The following MAP3K5 variants were observed in gnomAD, a reference collection of about 807,000 sequenced individuals.
MAP3K5 encodes mitogen-activated protein kinase kinase kinase 5.
In MAP3K5, 56 loss-of-function variants were observed where a neutral mutation model predicts 158.7. That is an observed-to-expected ratio of 0.35 (90% CI 0.28 to 0.44). The LOEUF (loss-of-function observed/expected upper bound fraction) is 0.44. Ranked by LOEUF, MAP3K5 falls within the 20% of genes least tolerant of loss-of-function variation. The pLI is 1.00. For missense variants in MAP3K5, 1,294 were observed against 1,674.8 expected (o/e 0.77, Z 3.97); for synonymous variants, 579 against 601.7 (o/e 0.96, Z 0.55).
intron 21 of MAP3K5, among the ~76,000 whole-genome samples, chr6:136,597,235 T>A (rs1351726515): frequency 6.6e-6 from 1 of 152,188 alleles, no homozygotes; most frequent in Non-Finnish European, 1.5e-5. Flanking sequence ...AGGAGTAGGC[T>A]GGAGTCAGGA....
rs1830560847 is a variant in MAP3K5 at position 136,562,545 on chromosome 6, C to T, written c.3832G>A (p.Asp1278Asn). The T allele has an allele frequency of 1.9e-6, 3 of 1,602,638 alleles. No individual in the cohort carries two copies. Among genetic ancestry groups the T allele is most frequent in the Non-Finnish European group, 2.6e-6 (3 of 1,174,808 alleles). ...AGCTTCAGGTGTTTAATTTCTTGGT[C>T]TTTTTCTTCAATAGCTCGATGAAGG... ...ALLHRAIEEK[D>N]QEIKHLKLKS... is the part of the protein sequence containing the mutation. The change falls in exon 27 of 30, where the codon GAC becomes AAC. Residue 1278 changes from aspartate to asparagine, a missense_variant. Transcript: ENST00000359015.
At chr6:136,726,089 G>C (rs1178990801) in intron 1 of MAP3K5, among the ~76,000 whole-genome samples, 1 of 152,156 alleles carries the variant, frequency 6.6e-6, no homozygotes, top group Non-Finnish European at 1.5e-5. Flanking sequence ...AATCAGGTAG[G>C]TCAACTCTAT....
intron 21 of MAP3K5, among the ~76,000 whole-genome samples, chr6:136,598,273 A>G (rs1775719776): frequency 6.6e-6 from 1 of 152,176 alleles, no homozygotes; most frequent in African/African-American, 2.4e-5. Context: ...TCACCTGTTA[A>G]GTTCATATTT....
chr6:136,694,852 T>C (rs1486230970), intron 6 of MAP3K5, among the ~76,000 whole-genome samples: 1 of 152,228 alleles, frequency 6.6e-6, no homozygotes, highest in African/African-American at 2.4e-5. Flanking sequence ...ATAGTATGTG[T>C]AGACAGTTCA....
At chr6:136,787,224 A>C (rs1385442737) in intron 1 of MAP3K5, among the ~76,000 whole-genome samples, 1 of 152,100 alleles carries the variant, frequency 6.6e-6, no homozygotes, top group Non-Finnish European at 1.5e-5. Flanking sequence ...GCAAACAAAA[A>C]ACAAGCATAA....
chr6:136,608,389 C>G (rs1324405089), intron 18 of MAP3K5, among the ~76,000 whole-genome samples: 1 of 152,058 alleles, frequency 6.6e-6, no homozygotes, highest in Non-Finnish European at 1.5e-5. Context: ...GAAGCAGGAG[C>G]ACAGTTGGGG....
rs1020827202 is a variant in MAP3K5, at chr6:136,646,815, T to A, written c.1788+4169A>T. ...TATTGCACTGCACTTTAAAGCAATA[T>A]CACTAACATGTATATAGACAGTTAT... On this transcript the variant is annotated intron_variant, in intron 11 of 29. Transcript: ENST00000359015. Among the ~76,000 whole-genome samples, 5 of 152,350 alleles carry A rather than the reference T, an allele frequency of 3.3e-5. No homozygotes were observed. In the South Asian group the frequency reaches 1.0e-3, roughly 32 times the overall value.
chr6:136,782,391 T>C (rs1487758116), intron 1 of MAP3K5, among the ~76,000 whole-genome samples: 1 of 152,110 alleles, frequency 6.6e-6, no homozygotes, highest in Non-Finnish European at 1.5e-5. Context: ...TTTATATGGC[T>C]TGGGGTCAAT....
intron 5 of MAP3K5, 89 bp downstream of exon 5, chr6:136,697,129 GC>G: frequency 8.7e-7 from 1 of 1,150,340 alleles, no homozygotes; most frequent in African/African-American, 1.5e-5. Context: ...AACATGAACT[GC>G]TTACCAGCAA....
chr6:136,747,741 T>C (rs1033843189), intron 1 of MAP3K5, among the ~76,000 whole-genome samples: 4 of 152,226 alleles, frequency 2.6e-5, no homozygotes, highest in Non-Finnish European at 4.4e-5. Context: ...TGTGTGACAT[T>C]GGGGTGATGA....
chr6:136,614,306 C>A lies in MAP3K5; in HGVS notation c.2151-20G>T. The A allele has an allele frequency of 6.2e-7, 1 of 1,608,116 alleles. No homozygotes were observed. The highest frequency in any genetic ancestry group is 1.1e-5 in the South Asian group (1 of 90,574). ...GAGTATCTAAAAGACATGCAATTGTCAATGAGTTAATTATGTAGCCAGACT... is the reference window on the plus strand; with the variant it reads ...GAGTATCTAAAAGACATGCAATTGTAAATGAGTTAATTATGTAGCCAGACT... On this transcript the variant is annotated intron_variant, in intron 15 of 29. Coordinates refer to ENST00000359015, the MANE Select transcript of MAP3K5 (RefSeq NM_005923.4).
At chr6:136,604,006 G>A (rs968015766) in intron 19 of MAP3K5, among the ~76,000 whole-genome samples, 1 of 152,152 alleles carries the variant, frequency 6.6e-6, no homozygotes, top group African/African-American at 2.4e-5. Context: ...CTGCAGCAGG[G>A]AGAGGAATAA....
At chr6:136,657,285 T>G (rs925329178) in intron 9 of MAP3K5, among the ~76,000 whole-genome samples, 6 of 152,228 alleles carry the variant, frequency 3.9e-5, no homozygotes, top group African/African-American at 1.4e-4. Flanking sequence ...TTATAGGTGA[T>G]AATGGCTATG....
intron 7 of MAP3K5, among the ~76,000 whole-genome samples, chr6:136,675,274 TCAAA>T (rs60873015): frequency 1.7e-3 from 258 of 152,100 alleles, no homozygotes; most frequent in African/African-American, 5.4e-3. Context: ...TCAGTGATGA[TCAAA>T]CAAACAGACA....
At chr6:136,776,892 C>A (rs893765581) in intron 1 of MAP3K5, among the ~76,000 whole-genome samples, 21 of 152,304 alleles carry the variant, frequency 1.4e-4, no homozygotes, top group African/African-American at 4.6e-4. Context: ...ACATTCTAAT[C>A]ATCACGGCAG....
At chr6:136,785,039 G>C (rs1379688293) in intron 1 of MAP3K5, among the ~76,000 whole-genome samples, 1 of 152,194 alleles carries the variant, frequency 6.6e-6, no homozygotes, top group Admixed American at 6.5e-5. Context: ...AGGACATACA[G>C]ACTTTACTCT....
intron 7 of MAP3K5, among the ~76,000 whole-genome samples, 169 bp from the exon 8 acceptor site, chr6:136,669,564 T>C (rs368593457): frequency 6.6e-6 from 1 of 152,172 alleles, no homozygotes; most frequent in East Asian, 1.9e-4. Flanking sequence ...AAACTGCTTA[T>C]CTTTGTCCAC....
chr6:136,692,955 C>CA (rs796525571), intron 7 of MAP3K5, among the ~76,000 whole-genome samples: 2,240 of 144,712 alleles, frequency 0.015, 48 homozygotes, highest in African/African-American at 0.054. Context: ...GACCTTGTCT[C>CA]AAAAAAAAAA....
At chr6:136,631,286 G>A (rs1407757588) in intron 14 of MAP3K5, among the ~76,000 whole-genome samples, 1 of 152,152 alleles carries the variant, frequency 6.6e-6, no homozygotes, top group African/African-American at 2.4e-5. Flanking sequence ...TATAAGTGAT[G>A]TATTTTCTCA....
Sources: gnomAD v4.1 joint callset for allele counts (sites outside exome capture counted in the v4.1 genomes callset) on GRCh38, gnomAD v4.1.1 for gene constraint, MANE v1.5 for transcripts, NCBI Gene and HGNC (gene_info 2026-07-23, HGNC 2026-07-21) for gene names.